COL4A6: variants seen among roughly 807,000 people sequenced by gnomAD.
The protein encoded by COL4A6 is collagen alpha-6(IV) chain.
COL4A6 carries 59 observed loss-of-function variants against 126.7 expected under a neutral mutation model. The ratio of observed to expected loss-of-function variants is 0.47; its 90% confidence interval spans 0.38 to 0.58. The LOEUF is 0.58. Ranked by LOEUF, COL4A6 falls within the 20% of genes least tolerant of loss-of-function variation. The pLI is 0.00. For synonymous variants in COL4A6, 547 were observed against 496.6 expected, an observed-to-expected ratio of 1.10 and a Z score of -1.35; for missense variants, 1,285 against 1,337.3, an observed-to-expected ratio of 0.96 and a Z score of 0.61.
intron 3 of COL4A6, chrX:108,268,333 T>C (rs1368058071): frequency 8.9e-6 from 1 of 112,675 alleles, no homozygotes; most frequent in East Asian, 2.8e-4. Context: ...TAATGACTAA[T>C]ATTTATTTAC....
At chrX:108,343,165 A>ATATATATATAGTGTGTGTGTGT (rs1377817612) in intron 2 of COL4A6, among the ~76,000 whole-genome samples, 1 of 31,414 alleles carries the variant, frequency 3.2e-5, no homozygotes, top group Admixed American at 4.3e-4. Flanking sequence ...ATATATATAT[A>ATATATATATAGTGTGTGTGTGT]GTGTGTGTGT....
intron 3 of COL4A6, among the ~76,000 whole-genome samples, chrX:108,292,985 GA>G (rs1292125261): frequency 6.0e-5 from 1 of 16,634 alleles, no homozygotes; most frequent in African/African-American, 2.9e-4. Flanking sequence ...GAAAGAGAAG[GA>G]AAAAAGCAAA....
intron 3 of COL4A6, among the ~76,000 whole-genome samples, chrX:108,261,727 G>A (rs2037168592): frequency 9.0e-6 from 1 of 111,461 alleles, no homozygotes; most frequent in African/African-American, 3.3e-5. Context: ...GAGGAGGCAG[G>A]GGAGGAGTAT....
chrX:108,351,862 A>G (rs1469491728), intron 2 of COL4A6, among the ~76,000 whole-genome samples: 1 of 111,801 alleles, frequency 8.9e-6, no homozygotes, highest in Non-Finnish European at 1.9e-5. Flanking sequence ...ATACACACAC[A>G]CCCCACACAG....
chrX:108,243,477 T>C (rs971761863), intron 3 of COL4A6, among the ~76,000 whole-genome samples: 1 of 111,211 alleles, frequency 9.0e-6, no homozygotes, highest in Non-Finnish European at 1.9e-5. Flanking sequence ...GGCCACCCCA[T>C]AAAACCAGGA....
chrX:108,241,528 AATAAT>A (rs1247916974), intron 3 of COL4A6, among the ~76,000 whole-genome samples: 5 of 102,085 alleles, frequency 4.9e-5, no homozygotes, highest in Non-Finnish European at 9.8e-5. Flanking sequence ...AAATATACAT[AATAAT>A]ATAATATATA....
At position 108,232,890 on chromosome X, in the gene COL4A6, CCAAACAAACAAA is replaced by C. The variant is rs749299696; in HGVS notation, c.145-11528_145-11517del. Among the ~76,000 whole-genome samples, 121 of 110,996 alleles carry C rather than the reference CCAAACAAACAAA, an allele frequency of 1.1e-3. 2 individuals carry two copies. Among genetic ancestry groups the C allele is most frequent in the Admixed American group, 9.0e-3 (93 of 10,350 alleles). ...CGAATAACCAAACTCCAATTGTCCA[CCAAACAAACAAA>C]CAAACAAACAAACCTCATTTGCTAG... On this transcript the variant is annotated intron_variant, in intron 3 of 44. Transcript: ENST00000334504.
At chrX:108,318,016 T>C (rs192406643) in intron 2 of COL4A6, among the ~76,000 whole-genome samples, 180 of 111,752 alleles carry the variant, frequency 1.6e-3, no homozygotes, top group African/African-American at 5.6e-3. Context: ...AATTACCTTG[T>C]TATCCACCAT....
intron 3 of COL4A6, among the ~76,000 whole-genome samples, chrX:108,308,331 T>C (rs1309540338): frequency 1.8e-5 from 2 of 111,952 alleles, no homozygotes; most frequent in Non-Finnish European, 3.8e-5. Flanking sequence ...TATAAGATTT[T>C]CTACTTTTAA....
In COL4A6 at chrX:108,178,671, C is replaced by T. The variant is rs775662050; in HGVS notation, c.2515+13G>A. 5.8e-6 allele frequency: 7 copies of T among 1,209,339 alleles called. No homozygotes were observed. The highest frequency in any genetic ancestry group is 2.3e-4 in the Middle Eastern group (1 of 4,321). ...AGTCTGTCAAGGTGGGACTCTTCCT[C>T]TGAAGGACCTACCTGAGATGCCTGG... On this transcript the variant is annotated intron_variant, in intron 27 of 44. Coordinates refer to ENST00000334504, the MANE Select transcript of COL4A6 (RefSeq NM_033641.4).
At chrX:108,175,563 G>C in intron 29 of COL4A6, 91 bp downstream of exon 29, 1 of 1,003,098 alleles carries the variant, frequency 1.0e-6, no homozygotes, top group Non-Finnish European at 1.4e-6. Context: ...CATAGATTTG[G>C]TACAAACCAC....
At position 108,159,480 on chromosome X, in the gene COL4A6, A is replaced by C. The variant is rs754530543; in HGVS notation, c.4794T>G (p.Ile1598Met). The change falls in exon 44 of 45, where the codon ATT (isoleucine) becomes ATG (methionine). Residue 1598 changes from isoleucine (I) to methionine (M), a missense_variant. Coordinates refer to ENST00000334504, the MANE Select transcript of COL4A6 (RefSeq NM_033641.4). Reference protein sequence around the residue: ...QCPLGWRSLWIGYSFLMHTAA... With the variant: ...QCPLGWRSLWMGYSFLMHTAA... ...ACCTTACCATGAGGAAAGAGTACCCAATCCAGAGGCTGCGCCAGCCCAGGG... is the reference window on the plus strand; with the variant it reads ...ACCTTACCATGAGGAAAGAGTACCCCATCCAGAGGCTGCGCCAGCCCAGGG... 52 of 1,210,798 alleles carry C rather than the reference A, an allele frequency of 4.3e-5. No individual in the cohort carries two copies. The highest frequency in any genetic ancestry group is 5.5e-5 in the Non-Finnish European group (49 of 895,405).
At chrX:108,222,879 T>A (rs772359195) in intron 3 of COL4A6, among the ~76,000 whole-genome samples, 20 of 111,874 alleles carry the variant, frequency 1.8e-4, no homozygotes, top group Non-Finnish European at 3.8e-4. Context: ...TATGTGTGTA[T>A]ATATGTATAT....
intron 2 of COL4A6, among the ~76,000 whole-genome samples, chrX:108,330,415 T>C (rs1247064774): frequency 8.9e-6 from 1 of 111,942 alleles, no homozygotes; most frequent in Non-Finnish European, 1.9e-5. Flanking sequence ...CAAAAGACTC[T>C]AAATGACTTC....
At chrX:108,161,275 C>T (rs1451805197) in intron 42 of COL4A6, among the ~76,000 whole-genome samples, 3 of 111,679 alleles carry the variant, frequency 2.7e-5, no homozygotes, top group African/African-American at 9.8e-5. Flanking sequence ...TGAACATCCC[C>T]CTCTCATGTG....
chrX:108,378,175 A>T (rs2040485882), intron 2 of COL4A6, among the ~76,000 whole-genome samples: 1 of 110,808 alleles, frequency 9.0e-6, no homozygotes, highest in South Asian at 3.8e-4. Context: ...TTTCCCCAGC[A>T]CTGCCTGGAC....
At chrX:108,425,045 A>AC (rs757799307) in intron 2 of COL4A6, among the ~76,000 whole-genome samples, 86 of 111,367 alleles carry the variant, frequency 7.7e-4, no homozygotes, top group Non-Finnish European at 1.4e-3. Context: ...TAAATAAATA[A>AC]ATAACATATT....
intron 3 of COL4A6, chrX:108,269,160 CA>C (rs748543562): frequency 3.7e-3 from 911 of 244,823 alleles, no homozygotes; most frequent in Admixed American, 9.0e-3. Flanking sequence ...GTGCTGCAGA[CA>C]AAAAAAAAAT....
intron 3 of COL4A6, among the ~76,000 whole-genome samples, chrX:108,294,399 GTT>G (rs756445902): frequency 3.6e-5 from 3 of 82,341 alleles, no homozygotes. Context: ...GGGCAATTGT[GTT>G]TTTTTTTTTT....
Sources: allele counts gnomAD v4.1 joint callset (sites outside exome capture counted in the v4.1 genomes callset), GRCh38; gene constraint gnomAD v4.1.1; transcripts MANE v1.5; gene names NCBI Gene and HGNC (gene_info 2026-07-23, HGNC 2026-07-21).